AACS: variants seen among roughly 807,000 people sequenced by gnomAD.
AACS encodes acetoacetate-CoA ligase.
AACS carries 69 observed loss-of-function variants against 83.1 expected under a neutral mutation model. The observed-to-expected ratio is 0.83, with a 90% CI of 0.68 to 1.01. The LOEUF is 1.01. Ranked by LOEUF, AACS falls within the 50% of genes least tolerant of loss-of-function variation. The probability of loss-of-function intolerance (pLI) is 0.00; values close to 1 mark genes in which losing one functional copy is unlikely to be tolerated. For missense variants in AACS, 866 were observed against 882.2 expected, an observed-to-expected ratio of 0.98 and a Z score of 0.23; for synonymous variants, 333 against 343.4, an observed-to-expected ratio of 0.97 and a Z score of 0.33.
chr12:125,133,871 G>T, intron 14 of AACS, 132 bp from the exon 15 acceptor site: 1 of 844,426 alleles, frequency 1.2e-6, no homozygotes. Flanking sequence ...GGCTCCCTCT[G>T]GCCCCCAGCC....
At chr12:125,126,579 G>GTT (rs35956139) in intron 12 of AACS, 335 of 140,080 alleles carry the variant, frequency 2.4e-3, no homozygotes, top group African/African-American at 4.3e-3. Context: ...CTTTGGGTCA[G>GTT]TTTTTTTTTT....
chr12:125,066,164 C>G (rs751760220), intron 1 of AACS, among the ~76,000 whole-genome samples: 9 of 152,160 alleles, frequency 5.9e-5, no homozygotes, highest in Non-Finnish European at 8.8e-5. Flanking sequence ...TCCCCCTGAC[C>G]TCCCTCATCT....
chr12:125,116,103 C>T (rs569426774), intron 9 of AACS, among the ~76,000 whole-genome samples: 3 of 152,174 alleles, frequency 2.0e-5, no homozygotes, highest in South Asian at 2.1e-4. Context: ...CAATCCCTAA[C>T]GTAGAATACC....
At chr12:125,091,962 T>C (rs1217406625) in intron 5 of AACS, among the ~76,000 whole-genome samples, 1 of 152,218 alleles carries the variant, frequency 6.6e-6, no homozygotes, top group Non-Finnish European at 1.5e-5. Flanking sequence ...CCCCTTCCTC[T>C]GGACCCGTAC....
intron 2 of AACS, among the ~76,000 whole-genome samples, chr12:125,074,660 GTTTT>G (rs869194296): frequency 8.2e-6 from 1 of 122,162 alleles, no homozygotes; most frequent in Admixed American, 8.4e-5. Context: ...CATTGTTGTA[GTTTT>G]TTTTTTTTTT....
rs1321132872 is a variant in AACS at position 125,143,273 on chromosome 12, A to G, written c.*1044A>G. On this transcript the variant is annotated 3_prime_UTR_variant, in exon 18 of 18. Coordinates refer to ENST00000316519, the MANE Select transcript of AACS (RefSeq NM_023928.5). ...TTATAAAAATATGGGGGAAAGTGCT[A>G]TGATGAATTTTATGCAATAAATGTA... The G allele has an allele frequency of 2.6e-5, 4 of 152,272 alleles. No homozygotes were observed. The highest frequency in any genetic ancestry group is 7.2e-5 in the African/African-American group (3 of 41,474). The allele number at this position is 152,272 out of a possible 1,614,324, so 9.4% of individuals were successfully genotyped here.
chr12:125,126,552 T>C (rs1159989811), intron 12 of AACS: 1 of 152,058 alleles, frequency 6.6e-6, no homozygotes, highest in Non-Finnish European at 1.5e-5. Flanking sequence ...GTTGATTCCA[T>C]TGCTGCCCAT....
intron 8 of AACS, among the ~76,000 whole-genome samples, chr12:125,109,948 G>A (rs1417559291): frequency 1.3e-5 from 2 of 152,036 alleles, no homozygotes; most frequent in Non-Finnish European, 2.9e-5. Context: ...GGGATACAAC[G>A]TTAGTGTATT....
intron 3 of AACS, among the ~76,000 whole-genome samples, chr12:125,077,676 A>C (rs189241266): frequency 2.0e-3 from 311 of 152,242 alleles, no homozygotes; most frequent in African/African-American, 7.2e-3. Context: ...GAAACAGTTG[A>C]CAATCTATAT....
chr12:125,070,125 A>G lies in AACS; in HGVS notation c.134-3751A>G, dbSNP rs542500572. 2.5e-4 allele frequency among the ~76,000 whole-genome samples: 38 copies of G among 152,282 alleles called. 1 individual carries two copies. The highest frequency in any genetic ancestry group is 8.3e-4 in the South Asian group (4 of 4,830). On this transcript the variant is annotated intron_variant, in intron 1 of 17. Coordinates refer to ENST00000316519, the MANE Select transcript of AACS (RefSeq NM_023928.5). ...GATTAAGTAAAGGTTACCAGGTGGA[A>G]GTTGCTAGGGGAGGGTGCTGAGTGA...
At chr12:125,125,796 G>T (rs1957237225) in intron 12 of AACS, 1 of 133,784 alleles carries the variant, frequency 7.5e-6, no homozygotes, top group Non-Finnish European at 1.6e-5. Context: ...TACACTGATG[G>T]ACATCGAAAC....
rs1251424683 is a variant in AACS at position 125,142,259 on chromosome 12, C to T, written c.*30C>T. On this transcript the variant is annotated 3_prime_UTR_variant, in exon 18 of 18. Transcript: ENST00000316519. ...GACTGGCTGGCGTGTCACTCAGCCG[C>T]ACCCGTGTGCACTGTAACTTTTGTG... 2 of 1,602,374 alleles carry T rather than the reference C, an allele frequency of 1.2e-6. No homozygotes were observed. Among genetic ancestry groups the T allele is most frequent in the East Asian group, 2.2e-5 (1 of 44,600 alleles).
rs751081055 is a variant in AACS, at chr12:125,113,197, G to A, written c.916-1280G>A. Among the ~76,000 whole-genome samples, 52 of 152,224 alleles carry A rather than the reference G, an allele frequency of 3.4e-4. No individual in the cohort carries two copies. The highest frequency in any genetic ancestry group is 6.2e-4 in the Non-Finnish European group (42 of 68,046). On this transcript the variant is annotated intron_variant, in intron 8 of 17. Coordinates refer to ENST00000316519, the MANE Select transcript of AACS (RefSeq NM_023928.5). The surrounding 1 kb of genome is among the most constrained non-coding windows in gnomAD (Gnocchi z 4.8). ...GGATTGTTCCTGGTGAGCTCTTAAA[G>A]GGATCATCTCCTGCAACTGGCTTTT...
intron 4 of AACS, among the ~76,000 whole-genome samples, chr12:125,090,620 A>G (rs1403391615): frequency 6.6e-6 from 1 of 151,810 alleles, no homozygotes; most frequent in African/African-American, 2.4e-5. Context: ...CTCTCTGCCT[A>G]CCCATTCACC....
chr12:125,088,215 C>G (rs1348424661), intron 4 of AACS, among the ~76,000 whole-genome samples: 1 of 150,246 alleles, frequency 6.7e-6, no homozygotes, highest in African/African-American at 2.4e-5. Flanking sequence ...GGCTGATCAT[C>G]AGAGCAGACT....
At chr12:125,085,185 T>A (rs1340201996) in intron 3 of AACS, among the ~76,000 whole-genome samples, 1 of 152,228 alleles carries the variant, frequency 6.6e-6, no homozygotes. Flanking sequence ...GGAAATTCCG[T>A]AAGGTGGCAG....
chr12:125,068,011 G>T (rs1472929627), intron 1 of AACS, among the ~76,000 whole-genome samples: 1 of 152,196 alleles, frequency 6.6e-6, no homozygotes, highest in Non-Finnish European at 1.5e-5. Flanking sequence ...CTCTGCCCTG[G>T]GTCCCTGGGG....
intron 7 of AACS, among the ~76,000 whole-genome samples, chr12:125,106,390 G>C (rs1338831460): frequency 6.6e-6 from 1 of 152,158 alleles, no homozygotes; most frequent in Non-Finnish European, 1.5e-5. Context: ...TGTCAGCTTT[G>C]GGGGTAAGCC....
At chr12:125,102,974 G>A (rs941569701) in intron 6 of AACS, 26 bp from the exon 7 acceptor site, 2 of 1,589,136 alleles carry the variant, frequency 1.3e-6, no homozygotes, top group Admixed American at 3.6e-5. Context: ...CTGTAACCTT[G>A]TGTTTTCTCC....
Sources: gnomAD v4.1 joint callset for allele counts (sites outside exome capture counted in the v4.1 genomes callset) on GRCh38, gnomAD v4.1.1 for gene constraint, Gnocchi (gnomAD v3.1) non-coding constraint, MANE v1.5 for transcripts, NCBI Gene and HGNC (gene_info 2026-07-23, HGNC 2026-07-21) for gene names.